The following GRID2 variants were observed in gnomAD, a reference collection of about 807,000 sequenced individuals.
The protein encoded by GRID2 is glutamate receptor ionotropic, delta-2.
Under a neutral mutation model 114.8 loss-of-function variants are expected in GRID2, and 33 were observed. The ratio of observed to expected loss-of-function variants is 0.29; its 90% CI spans 0.22 to 0.38. The LOEUF is 0.38. Among genes scored for constraint, GRID2 ranks in the 10% least tolerant of loss-of-function variants. The pLI, the probability that GRID2 is intolerant of heterozygous loss-of-function variation, is 1.00. For synonymous variants in GRID2, 505 were observed against 449.9 expected, an observed-to-expected ratio of 1.12 and a Z score of -1.55; for missense variants, 1,184 against 1,257.7, an observed-to-expected ratio of 0.94 and a Z score of 0.89.
At chr4:93,439,891 A>C (rs1721466934) in intron 10 of GRID2, among the ~76,000 whole-genome samples, 1 of 152,030 alleles carries the variant, frequency 6.6e-6, no homozygotes, top group African/African-American at 2.4e-5. Flanking sequence ...TCTCTATGCC[A>C]GCAGAACATG....
chr4:92,348,686 T>C (rs1322501456), intron 1 of GRID2, among the ~76,000 whole-genome samples: 1 of 152,150 alleles, frequency 6.6e-6, no homozygotes, highest in African/African-American at 2.4e-5. Context: ...TCTTTCCTAA[T>C]TGCAGAAGCA....
At chr4:93,430,881 C>T (rs560631364) in intron 10 of GRID2, among the ~76,000 whole-genome samples, 15 of 152,184 alleles carry the variant, frequency 9.9e-5, no homozygotes, top group South Asian at 4.1e-4. Context: ...AAGTGAAGGA[C>T]GTCTACTGAC....
intron 2 of GRID2, among the ~76,000 whole-genome samples, chr4:92,596,456 T>A (rs1229687702): frequency 6.6e-6 from 1 of 152,078 alleles, no homozygotes; most frequent in Non-Finnish European, 1.5e-5. Flanking sequence ...GGATGTCTAT[T>A]CAGTGACTAA....
At chr4:93,488,823 A>G (rs566376235) in intron 11 of GRID2, among the ~76,000 whole-genome samples, 4 of 151,908 alleles carry the variant, frequency 2.6e-5, no homozygotes, top group African/African-American at 9.7e-5. Flanking sequence ...CCTTTCTTCC[A>G]TGCATGTGCA....
chr4:92,500,338 CATT>C (rs1240706577), intron 1 of GRID2, among the ~76,000 whole-genome samples: 1 of 151,968 alleles, frequency 6.6e-6, no homozygotes, highest in African/African-American at 2.4e-5. Context: ...ATTAAGATGT[CATT>C]AGTGATTCTT....
intron 1 of GRID2, among the ~76,000 whole-genome samples, chr4:92,580,633 A>C (rs1728136663): frequency 6.6e-6 from 1 of 151,896 alleles, no homozygotes; most frequent in Admixed American, 6.6e-5. Flanking sequence ...TTGTGTGCAA[A>C]ATGAGTTTGA....
intron 1 of GRID2, among the ~76,000 whole-genome samples, chr4:92,379,465 C>G (rs1579266931): frequency 1.3e-5 from 2 of 151,968 alleles, no homozygotes; most frequent in African/African-American, 2.4e-5. Flanking sequence ...TACATAGATG[C>G]TAAATATTAC....
chr4:92,440,471 G>C (rs1732988088), intron 1 of GRID2, among the ~76,000 whole-genome samples: 1 of 152,016 alleles, frequency 6.6e-6, no homozygotes, highest in African/African-American at 2.4e-5. Flanking sequence ...GGCATGTTGA[G>C]TAAAGCTAAT....
At chr4:92,307,014 A>T (rs113159533) in intron 1 of GRID2, among the ~76,000 whole-genome samples, 5 of 152,266 alleles carry the variant, frequency 3.3e-5, no homozygotes, top group African/African-American at 1.2e-4. Flanking sequence ...ATCGAAAAAC[A>T]TTAACTCCTA....
At chr4:92,571,295 C>T (rs1727605107) in intron 1 of GRID2, among the ~76,000 whole-genome samples, 2 of 151,974 alleles carry the variant, frequency 1.3e-5, no homozygotes, top group South Asian at 4.1e-4. Flanking sequence ...AAGGCCATTA[C>T]ATAATGGTAA....
chr4:93,423,248 C>T (rs1395847875), intron 10 of GRID2, among the ~76,000 whole-genome samples: 3 of 150,602 alleles, frequency 2.0e-5, no homozygotes, highest in Admixed American at 6.6e-5. Context: ...CTTTGCTCAA[C>T]TTATACCCCA....
intron 14 of GRID2, among the ~76,000 whole-genome samples, chr4:93,748,411 T>G (rs1182957674): frequency 6.6e-6 from 1 of 152,138 alleles, no homozygotes; most frequent in African/African-American, 2.4e-5. Context: ...TTCAGAAAGA[T>G]TCATAAGACT....
chr4:93,374,102 A>T (rs1490811018), intron 8 of GRID2, among the ~76,000 whole-genome samples: 1 of 152,184 alleles, frequency 6.6e-6, no homozygotes, highest in East Asian at 1.9e-4. Context: ...TGCACTGTCA[A>T]GTTAGGTCAT....
chr4:93,285,889 T>C (rs1753105104), intron 8 of GRID2, among the ~76,000 whole-genome samples: 1 of 152,000 alleles, frequency 6.6e-6, no homozygotes, highest in Admixed American at 6.6e-5. Flanking sequence ...CACTCTGAAT[T>C]TGATCTACAA....
chr4:92,831,890 A>G (rs927098532), intron 2 of GRID2, among the ~76,000 whole-genome samples: 1 of 152,062 alleles, frequency 6.6e-6, no homozygotes, highest in Non-Finnish European at 1.5e-5. Context: ...ATACATCTAT[A>G]TAAATAAACC....
intron 1 of GRID2, among the ~76,000 whole-genome samples, chr4:92,515,948 C>T (rs1259238487): frequency 1.3e-5 from 2 of 151,906 alleles, no homozygotes; most frequent in African/African-American, 4.8e-5. Flanking sequence ...TAGTCAGGCT[C>T]ATATGGAGAG....
chr4:93,757,660 A>G (rs1209308358), intron 14 of GRID2, among the ~76,000 whole-genome samples: 1 of 152,230 alleles, frequency 6.6e-6, no homozygotes, highest in Non-Finnish European at 1.5e-5. Context: ...TTTTTCCTCC[A>G]TTTATAAAAC....
chr4:93,539,041 T>G (rs1732392357), intron 13 of GRID2, among the ~76,000 whole-genome samples: 1 of 152,042 alleles, frequency 6.6e-6, no homozygotes, highest in East Asian at 1.9e-4. Flanking sequence ...AACTCTGTGT[T>G]ACCTTTGTAA....
At chr4:92,415,788 T>G in intron 1 of GRID2, among the ~76,000 whole-genome samples, 1 of 120,448 alleles carries the variant, frequency 8.3e-6, no homozygotes, top group East Asian at 2.7e-4. Context: ...ATATCACATT[T>G]TCTTTATTCA....
Sources: gnomAD v4.1 joint callset for allele counts (sites outside exome capture counted in the v4.1 genomes callset) on GRCh38, gnomAD v4.1.1 for gene constraint, MANE v1.5 for transcripts, NCBI Gene and HGNC (gene_info 2026-07-23, HGNC 2026-07-21) for gene names.